The following RIC3 variants were observed in gnomAD, a reference collection of about 807,000 sequenced individuals.
RIC3 encodes the protein protein RIC-3.
RIC3 carries 28 observed loss-of-function variants against 27.3 expected under a neutral mutation model. That is an observed-to-expected ratio of 1.02 (90% CI 0.76 to 1.41). The LOEUF is 1.41. RIC3 is among the 40% of genes most tolerant of loss of function. The pLI is 0.00. For missense variants in RIC3, 501 were observed against 444.7 expected (o/e 1.13, Z -1.14); for synonymous variants, 184 against 160.4 (o/e 1.15, Z -1.11).
chr11:8,151,107 A>G (rs1409348570), intron 1 of RIC3, among the ~76,000 whole-genome samples: 1 of 152,210 alleles, frequency 6.6e-6, no homozygotes, highest in Admixed American at 6.5e-5. Context: ...CAGGACACCA[A>G]AAGCACAAAC....
At chr11:8,161,998 G>A in intron 1 of RIC3, among the ~76,000 whole-genome samples, 1 of 125,734 alleles carries the variant, frequency 8.0e-6, no homozygotes, top group East Asian at 2.3e-4. Context: ...GCAATGGAAT[G>A]TGAGGAGGTA....
chr11:8,113,862 TC>T (rs1250030508), intron 5 of RIC3, among the ~76,000 whole-genome samples: 4 of 152,140 alleles, frequency 2.6e-5, no homozygotes, highest in Non-Finnish European at 5.9e-5. Context: ...ACCAGGTTCA[TC>T]CTAGCACCTG....
chr11:8,120,905 C>A (rs1041363750), intron 5 of RIC3, among the ~76,000 whole-genome samples: 1 of 151,898 alleles, frequency 6.6e-6, no homozygotes, highest in Admixed American at 6.6e-5. Flanking sequence ...CGATTTTATA[C>A]CCAGCCAAAC....
Position 8,155,314 on chromosome 11 carries a change from G to A in RIC3, c.124+13552C>T, listed in dbSNP as rs572027413. The stretch of plus-strand genomic sequence containing the variant: ...ATTCTGGCCAGGTGAGGTGGCTCAC[G>A]TCTGTAATCCCAGCACTTTGGGAGG... On this transcript the variant is annotated intron_variant, in intron 1 of 5. Transcript: ENST00000309737. Among the ~76,000 whole-genome samples, 8 of 151,898 alleles carry A rather than the reference G, an allele frequency of 5.3e-5. No homozygotes were observed. The East Asian group carries it at 1.4e-3, about 26-fold the overall frequency.
At chr11:8,139,660 TTG>T (rs1948820420) in intron 2 of RIC3, 1 of 176,830 alleles carries the variant, frequency 5.7e-6, no homozygotes, top group Non-Finnish European at 1.1e-5. Context: ...TTTTTTTTTT[TTG>T]GCAGGGGAGT....
chr11:8,096,283 C>T, the RIC3 span, among the ~76,000 whole-genome samples: 24 of 152,308 alleles, frequency 1.6e-4, no homozygotes, highest in African/African-American at 4.1e-4. Flanking sequence ...TGGTCTATGC[C>T]AGCCAAGGCC....
intron 5 of RIC3, among the ~76,000 whole-genome samples, chr11:8,118,840 T>C (rs142157016): frequency 3.3e-5 from 5 of 149,264 alleles, no homozygotes; most frequent in African/African-American, 4.9e-5. Context: ...CATTGCACTC[T>C]AGCCTGGGAG....
chr11:8,100,623 C>G, the RIC3 span: 4 of 1,604,830 alleles, frequency 2.5e-6, no homozygotes, highest in Admixed American at 1.7e-5. Context: ...CCCCTTCCTC[C>G]CCTCTTTCCC....
chr11:8,100,801 G>C, the RIC3 span: 11 of 1,612,120 alleles, frequency 6.8e-6, no homozygotes, highest in Non-Finnish European at 9.3e-6. Context: ...GCCTGGGCCT[G>C]GCTCAGGTGA....
At chr11:8,144,954 C>G (rs952447816) in intron 1 of RIC3, among the ~76,000 whole-genome samples, 5 of 137,306 alleles carry the variant, frequency 3.6e-5, no homozygotes, top group Admixed American at 7.9e-5. Flanking sequence ...ACCGCATATT[C>G]TCACTCATAG....
At chr11:8,114,261 C>T (rs1389531534) in intron 5 of RIC3, among the ~76,000 whole-genome samples, 1 of 152,146 alleles carries the variant, frequency 6.6e-6, no homozygotes, top group Non-Finnish European at 1.5e-5. Flanking sequence ...ATCAAGGAAA[C>T]ATGTTGCCAC....
chr11:8,137,688 A>G (rs1174893610), intron 3 of RIC3, among the ~76,000 whole-genome samples: 1 of 152,016 alleles, frequency 6.6e-6, no homozygotes, highest in African/African-American at 2.4e-5. Flanking sequence ...AAAATCCAGA[A>G]GTAAATCCAA....
chr11:8,135,259 T>C (rs1322749195), intron 4 of RIC3, among the ~76,000 whole-genome samples: 1 of 152,256 alleles, frequency 6.6e-6, no homozygotes, highest in Non-Finnish European at 1.5e-5. Context: ...CCATTTCTTG[T>C]TTTTGTCAGG....
chr11:8,110,375 AAG>A lies in RIC3; in HGVS notation c.*321_*322del. ...TGAACTATCTGTTACACCTACCAGG[AAG>A]AGTCAGACCTTTGCCCCTGAGTGGT... On this transcript the variant is annotated 3_prime_UTR_variant, in exon 6 of 6. Coordinates refer to ENST00000309737, the MANE Select transcript of RIC3 (RefSeq NM_001206671.4). The A allele has an allele frequency of 4.8e-6, 2 of 420,798 alleles. No individual in the cohort carries two copies. Among genetic ancestry groups the A allele is most frequent in the Non-Finnish European group, 8.9e-6 (2 of 224,048 alleles). 26.1% of individuals were successfully genotyped at this position (420,798 alleles called of 1,614,324 possible). A position where few individuals can be genotyped will look rare whatever the true frequency, so the allele number is the denominator to read the frequency against.
the RIC3 span, chr11:8,100,756 A>C: frequency 1.3e-6 from 2 of 1,592,008 alleles, no homozygotes; most frequent in South Asian, 1.1e-5. Context: ...CATTCCCGGG[A>C]TAGATCCCTT....
In RIC3 at chr11:8,112,269, ATTTTCTTTTC is replaced by A. The variant is rs554268072; in HGVS notation, c.671-1142_671-1133del. Reference sequence around the variant, plus strand: ...TTTTTTTAACCGTATATACACATATATTTTCTTTTCTTTTCTTTTCTTTTCTTTTTTTTTT... The same window carrying A: ...TTTTTTTAACCGTATATACACATATATTTTCTTTTCTTTTCTTTTTTTTTT... On this transcript the variant is annotated intron_variant, in intron 5 of 5. Coordinates refer to ENST00000309737, the MANE Select transcript of RIC3 (RefSeq NM_001206671.4). Among the ~76,000 whole-genome samples the A allele has an allele frequency of 3.5e-3, 523 of 148,698 alleles. 3 individuals carry two copies. Among genetic ancestry groups the A allele is most frequent in the East Asian group, 0.015 (78 of 5,070 alleles).
chr11:8,098,824 C>G, the RIC3 span: 1 of 1,614,196 alleles, frequency 6.2e-7, no homozygotes, highest in South Asian at 1.1e-5. Flanking sequence ...AGGCCTCATC[C>G]TCCACTTTGG....
intron 4 of RIC3, chr11:8,128,127 C>G (rs1450232770): frequency 4.4e-6 from 2 of 452,928 alleles, no homozygotes; most frequent in Non-Finnish European, 8.9e-6. Flanking sequence ...TGACTCTCCA[C>G]AACTGCTCGT....
chr11:8,112,195 C>T (rs1945344355), intron 5 of RIC3, among the ~76,000 whole-genome samples: 1 of 152,086 alleles, frequency 6.6e-6, no homozygotes, highest in Admixed American at 6.6e-5. Flanking sequence ...AAAGAAAACA[C>T]AAATCACCCA....
Sources: gnomAD v4.1 joint callset for allele counts (sites outside exome capture counted in the v4.1 genomes callset) on GRCh38, gnomAD v4.1.1 for gene constraint, MANE v1.5 for transcripts, NCBI Gene and HGNC (gene_info 2026-07-23, HGNC 2026-07-21) for gene names.